PTPRZ1: variants seen among roughly 807,000 people sequenced by gnomAD.
The protein encoded by PTPRZ1 is receptor-type tyrosine-protein phosphatase zeta.
A neutral mutation model predicts 214.1 loss-of-function variants in PTPRZ1; 82 were observed. The ratio of observed to expected loss-of-function variants is 0.38; its 90% CI spans 0.32 to 0.46. PTPRZ1 has a LOEUF of 0.46. Ranked by LOEUF, PTPRZ1 falls within the 20% of genes least tolerant of loss-of-function variation. The pLI, the probability that PTPRZ1 is intolerant of heterozygous loss-of-function variation, is 1.00. For missense variants in PTPRZ1, 2,603 were observed against 2,748.7 expected (o/e 0.95, Z 1.19); for synonymous variants, 945 against 987.9 (o/e 0.96, Z 0.81).
At position 122,012,234 on chromosome 7, in the gene PTPRZ1, T is replaced by A. The variant is rs750687472; in HGVS notation, c.3188T>A (p.Val1063Asp). The A allele has an allele frequency of 3.7e-6, 6 of 1,613,956 alleles. No homozygotes were observed. In the South Asian group the frequency reaches 6.6e-5, roughly 18 times the overall value. ...ELQIPSFNEM[V>D]YPSESTVMPN... ...CAAATTCCTTCTTTCAATGAGATGGTTTACCCTTCTGAAAGCACAGTCATG... is the reference window on the plus strand; with the variant it reads ...CAAATTCCTTCTTTCAATGAGATGGATTACCCTTCTGAAAGCACAGTCATG... Residue 1063 changes from valine to aspartate, a missense_variant, in exon 12 of 30, where the codon GTT becomes GAT. By Grantham distance (152) the Val-to-Asp change is radical. Coordinates refer to ENST00000393386, the MANE Select transcript of PTPRZ1 (RefSeq NM_002851.3).
At chr7:121,949,620 A>G (rs1796494250) in intron 2 of PTPRZ1, among the ~76,000 whole-genome samples, 1 of 152,120 alleles carries the variant, frequency 6.6e-6, no homozygotes, top group East Asian at 1.9e-4. Context: ...TGTATCATGA[A>G]AAAGATAAGG....
chr7:121,913,517 T>C (rs1795336593), intron 1 of PTPRZ1, among the ~76,000 whole-genome samples: 2 of 152,246 alleles, frequency 1.3e-5, no homozygotes, highest in Admixed American at 1.3e-4. Flanking sequence ...CTGGATGTTT[T>C]ATTAATTTGG....
chr7:121,981,873 A>G (rs1797624210), intron 6 of PTPRZ1, among the ~76,000 whole-genome samples: 1 of 152,098 alleles, frequency 6.6e-6, no homozygotes, highest in African/African-American at 2.4e-5. Flanking sequence ...AACTCTCTTA[A>G]TGACTATTGA....
intron 1 of PTPRZ1, among the ~76,000 whole-genome samples, chr7:121,884,521 C>T (rs1794340829): frequency 6.6e-6 from 1 of 152,128 alleles, no homozygotes; most frequent in African/African-American, 2.4e-5. Flanking sequence ...TTGAGCCTGA[C>T]ATTTTCCTGC....
At chr7:122,059,970 A>T in intron 29 of PTPRZ1, 82 bp downstream of exon 29, 4 of 1,366,352 alleles carry the variant, frequency 2.9e-6, no homozygotes, top group Non-Finnish European at 4.0e-6. Flanking sequence ...CTTATGTATC[A>T]AGAAAGATCT....
intron 6 of PTPRZ1, 134 bp from the exon 7 acceptor site, chr7:121,983,531 T>C: frequency 3.4e-6 from 3 of 873,398 alleles, no homozygotes; most frequent in Non-Finnish European, 5.1e-6. Flanking sequence ...CATTTAAAAA[T>C]ATATCTAAAA....
chr7:121,885,033 T>C (rs935209860), intron 1 of PTPRZ1, among the ~76,000 whole-genome samples: 1 of 152,130 alleles, frequency 6.6e-6, no homozygotes, highest in African/African-American at 2.4e-5. Context: ...TCACTTTAGG[T>C]TATTTGGTTA....
chr7:122,039,307 T>C (rs1799642568), intron 19 of PTPRZ1, 147 bp from the exon 20 acceptor site: 1 of 893,824 alleles, frequency 1.1e-6, no homozygotes, highest in Non-Finnish European at 1.6e-6. Context: ...CCACAACTAA[T>C]TTCAGTCACT....
chr7:121,947,107 A>G (rs2116443157), intron 2 of PTPRZ1, among the ~76,000 whole-genome samples: 1 of 152,262 alleles, frequency 6.6e-6, no homozygotes, highest in East Asian at 1.9e-4. Flanking sequence ...TTTGAAGAGT[A>G]TATTGTGATT....
chr7:121,998,069 T>G, intron 10 of PTPRZ1, 63 bp downstream of exon 10: 1 of 1,490,708 alleles, frequency 6.7e-7, no homozygotes, highest in Non-Finnish European at 9.1e-7. Flanking sequence ...AATTACTGTA[T>G]GCATTGATGC....
At chr7:121,954,698 G>A (rs1563035302) in intron 2 of PTPRZ1, among the ~76,000 whole-genome samples, 1 of 152,112 alleles carries the variant, frequency 6.6e-6, no homozygotes, top group Non-Finnish European at 1.5e-5. Context: ...TGAATCTTTT[G>A]TACCAGGTAG....
intron 2 of PTPRZ1, among the ~76,000 whole-genome samples, chr7:121,952,309 G>A (rs1796575793): frequency 6.6e-6 from 1 of 151,994 alleles, no homozygotes; most frequent in Admixed American, 6.6e-5. Context: ...ATAAAGACTT[G>A]AAGGTAGCTG....
chr7:122,010,907 G>A lies in PTPRZ1; in HGVS notation c.1861G>A (p.Val621Ile). 6.2e-7 allele frequency: 1 copy of A among 1,614,022 alleles called. No individual in the cohort carries two copies. The highest frequency in any genetic ancestry group is 1.3e-5 in the African/African-American group (1 of 75,020). ...AAACCCAGAGACAATAACATATGAT[G>A]TCCTTATACCAGAATCTGCTAGAAA... ...SENPETITYD[V>I]LIPESARNAS... Residue 621 changes from valine to isoleucine, a missense_variant, in exon 12 of 30, where the codon GTC becomes ATC. Physicochemically the swap from Val to Ile is conservative, Grantham distance 29. Coordinates refer to ENST00000393386, the MANE Select transcript of PTPRZ1 (RefSeq NM_002851.3).
At chr7:121,963,234 A>T (rs566937483) in intron 2 of PTPRZ1, among the ~76,000 whole-genome samples, 1 of 152,300 alleles carries the variant, frequency 6.6e-6, no homozygotes, top group South Asian at 2.1e-4. Flanking sequence ...ATGGATAAAG[A>T]TATTTTGAAA....
Position 121,938,861 on chromosome 7 carries a change from C to G in PTPRZ1, c.124+10640C>G, listed in dbSNP as rs1036459296. On this transcript the variant is annotated intron_variant, in intron 2 of 29. Coordinates refer to ENST00000393386, the MANE Select transcript of PTPRZ1 (RefSeq NM_002851.3). ...AATTATGCATCCTGAATTCTGATGG[C>G]CTCTTACTAGATGTACTGCTTTTAT... Among the ~76,000 whole-genome samples the G allele has an allele frequency of 3.3e-5, 5 of 152,078 alleles. 1 individual carries two copies. Among genetic ancestry groups the G allele is most frequent in the Admixed American group, 3.3e-4 (5 of 15,276 alleles).
chr7:121,966,105 C>T (rs570985280), intron 2 of PTPRZ1, among the ~76,000 whole-genome samples: 1 of 135,064 alleles, frequency 7.4e-6, no homozygotes, highest in African/African-American at 2.4e-5. Context: ...GAAACAAAGG[C>T]ATCAGGATAA....
intron 1 of PTPRZ1, among the ~76,000 whole-genome samples, chr7:121,901,814 G>A (rs952462821): frequency 2.0e-5 from 3 of 152,116 alleles, no homozygotes; most frequent in African/African-American, 7.2e-5. Context: ...AGGGTACTTA[G>A]CATACCCACC....
At chr7:122,045,849 A>C (rs1004718979) in intron 23 of PTPRZ1, among the ~76,000 whole-genome samples, 13 of 152,280 alleles carry the variant, frequency 8.5e-5, no homozygotes, top group Non-Finnish European at 1.3e-4. Flanking sequence ...AATTCAATTG[A>C]AAAGAGAGAT....
chr7:121,944,786 G>T (rs1055215873), intron 2 of PTPRZ1, among the ~76,000 whole-genome samples: 6 of 152,006 alleles, frequency 3.9e-5, no homozygotes, highest in African/African-American at 1.4e-4. Context: ...GGGACTACAG[G>T]CAGGCACCAC....
Sources: gnomAD v4.1 joint callset for allele counts (sites outside exome capture counted in the v4.1 genomes callset) on GRCh38, gnomAD v4.1.1 for gene constraint, MANE v1.5 for transcripts, NCBI Gene and HGNC (gene_info 2026-07-23, HGNC 2026-07-21) for gene names.